The following CDH13 variants were observed in gnomAD, a reference collection of about 807,000 sequenced individuals.
The protein encoded by CDH13 is cadherin-13.
CDH13 carries 24 observed loss-of-function variants against 63.8 expected under a neutral mutation model. The ratio of observed to expected loss-of-function variants is 0.38; its 90% CI spans 0.27 to 0.53. CDH13 has a LOEUF of 0.53. Ranked by LOEUF, CDH13 falls within the 20% of genes least tolerant of loss-of-function variation. The pLI, the probability that CDH13 is intolerant of heterozygous loss-of-function variation, is 0.85. For missense variants in CDH13, 1,049 were observed against 903.1 expected, an observed-to-expected ratio of 1.16 and a Z score of -2.07; for synonymous variants, 503 against 355.3, an observed-to-expected ratio of 1.42 and a Z score of -4.67.
intron 6 of CDH13, among the ~76,000 whole-genome samples, chr16:83,402,036 A>G (rs555020264): frequency 2.0e-5 from 3 of 150,424 alleles, no homozygotes; most frequent in African/African-American, 7.3e-5. Flanking sequence ...AGATGTTGCT[A>G]TCTTTTTTCT....
At position 83,252,354 on chromosome 16, in the gene CDH13, T is replaced by A. The variant is rs1036851833; in HGVS notation, c.636+34857T>A. Among the ~76,000 whole-genome samples the A allele has an allele frequency of 3.6e-4, 55 of 151,898 alleles. 1 individual carries two copies. Among genetic ancestry groups the A allele is most frequent in the African/African-American group, 1.2e-3 (51 of 41,356 alleles). ...TGTGCATCTTTAGGCAAGAATTTAT[T>A]AGGATGTTATGGTTAATATAATCAT... On this transcript the variant is annotated intron_variant, in intron 5 of 13. Coordinates refer to ENST00000567109, the MANE Select transcript of CDH13 (RefSeq NM_001257.5).
intron 10 of CDH13, among the ~76,000 whole-genome samples, chr16:83,726,744 A>C (rs1196687626): frequency 6.6e-6 from 1 of 152,040 alleles, no homozygotes; most frequent in Non-Finnish European, 1.5e-5. Flanking sequence ...AGGCTGAGGC[A>C]GGGGAATGGC....
intron 4 of CDH13, among the ~76,000 whole-genome samples, chr16:83,216,443 T>TATATATATAC (rs1472700247): frequency 0.017 from 1,598 of 93,250 alleles, 97 homozygotes; most frequent in Non-Finnish European, 0.022. Flanking sequence ...TATATATATA[T>TATATATATAC]ACACAACCCT....
At chr16:83,422,169 A>G (rs1158545061) in intron 6 of CDH13, among the ~76,000 whole-genome samples, 3 of 152,196 alleles carry the variant, frequency 2.0e-5, no homozygotes, top group African/African-American at 7.2e-5. Context: ...CTTTAATTAG[A>G]TATTCTAGAA....
rs118134533 is a variant in CDH13, at chr16:83,649,369, A to G, written c.1102-21421A>G. ...CTCCCTACCTTCATTGCATTTTTCA[A>G]TATATTTAATACACTTTAATCACAC... On this transcript the variant is annotated intron_variant, in intron 8 of 13. Coordinates refer to ENST00000567109, the MANE Select transcript of CDH13 (RefSeq NM_001257.5). 3.1e-4 allele frequency among the ~76,000 whole-genome samples: 47 copies of G among 152,324 alleles called. 1 individual carries two copies. The East Asian group carries it at 8.7e-3, about 28-fold the overall frequency.
chr16:82,674,944 C>G (rs547585867), intron 1 of CDH13, among the ~76,000 whole-genome samples: 2 of 152,256 alleles, frequency 1.3e-5, no homozygotes, highest in Admixed American at 6.5e-5. Context: ...TATCAAAAAG[C>G]TATAATCTGT....
chr16:83,321,467 C>G (rs1397931475), intron 5 of CDH13, among the ~76,000 whole-genome samples: 1 of 150,914 alleles, frequency 6.6e-6, no homozygotes, highest in Non-Finnish European at 1.5e-5. Context: ...GCATTAAAGA[C>G]AACGACTAGG....
intron 3 of CDH13, among the ~76,000 whole-genome samples, chr16:83,077,612 T>C (rs1484914792): frequency 2.6e-5 from 4 of 152,188 alleles, no homozygotes; most frequent in East Asian, 1.9e-4. Context: ...TACTCTCCTA[T>C]TGATGGATGT....
chr16:83,451,265 G>T (rs1471097528), intron 6 of CDH13, among the ~76,000 whole-genome samples: 1 of 152,182 alleles, frequency 6.6e-6, no homozygotes, highest in Non-Finnish European at 1.5e-5. Flanking sequence ...CATGGCAGAA[G>T]GCGAAGGAGG....
At chr16:83,259,525 A>G (rs763552667) in intron 5 of CDH13, among the ~76,000 whole-genome samples, 1 of 152,204 alleles carries the variant, frequency 6.6e-6, no homozygotes, top group Non-Finnish European at 1.5e-5. Context: ...ACATTATGTT[A>G]CAAATGCATC....
chr16:82,795,631 T>A (rs906535168), intron 1 of CDH13, among the ~76,000 whole-genome samples: 1 of 152,192 alleles, frequency 6.6e-6, no homozygotes, highest in Non-Finnish European at 1.5e-5. Flanking sequence ...TCACCCAAGG[T>A]CCTACAGTTG....
intron 2 of CDH13, among the ~76,000 whole-genome samples, chr16:83,031,594 T>C (rs980324826): frequency 6.6e-6 from 1 of 151,992 alleles, no homozygotes. Flanking sequence ...TCTCATCTCC[T>C]ACTTATCTTC....
intron 7 of CDH13, among the ~76,000 whole-genome samples, chr16:83,513,807 G>T (rs1331916533): frequency 6.6e-6 from 1 of 152,138 alleles, no homozygotes; most frequent in African/African-American, 2.4e-5. Flanking sequence ...AACCTTAACA[G>T]TTGGGTTCAA....
intron 10 of CDH13, among the ~76,000 whole-genome samples, chr16:83,719,703 G>A (rs1909426814): frequency 6.6e-6 from 1 of 152,192 alleles, no homozygotes; most frequent in Non-Finnish European, 1.5e-5. Flanking sequence ...TGAGGAGGCT[G>A]TGGCATACCA....
chr16:83,138,675 C>T (rs1298137397), intron 4 of CDH13, among the ~76,000 whole-genome samples: 2 of 152,136 alleles, frequency 1.3e-5, no homozygotes, highest in African/African-American at 2.4e-5. Context: ...CTACGGATGA[C>T]TAAGTGTTAT....
At chr16:83,648,950 C>G (rs998537234) in intron 8 of CDH13, among the ~76,000 whole-genome samples, 3 of 152,214 alleles carry the variant, frequency 2.0e-5, no homozygotes, top group Non-Finnish European at 4.4e-5. Flanking sequence ...CCCCGCAACA[C>G]ACATACACCA....
At chr16:82,636,815 G>T (rs1908711068) in intron 1 of CDH13, among the ~76,000 whole-genome samples, 1 of 152,204 alleles carries the variant, frequency 6.6e-6, no homozygotes, top group Non-Finnish European at 1.5e-5. Flanking sequence ...TTTCTGTGAT[G>T]TAAATACTCC....
intron 1 of CDH13, among the ~76,000 whole-genome samples, chr16:82,746,100 CTCTA>C (rs1320934173): frequency 6.6e-6 from 1 of 151,766 alleles, no homozygotes; most frequent in Non-Finnish European, 1.5e-5. Context: ...ATTTCTCTCT[CTCTA>C]TATATACATA....
At chr16:83,437,786 T>C (rs1256172284) in intron 6 of CDH13, among the ~76,000 whole-genome samples, 1 of 152,172 alleles carries the variant, frequency 6.6e-6, no homozygotes, top group African/African-American at 2.4e-5. Context: ...ATCCACTTGA[T>C]ATAATATGCC....
Sources: gnomAD v4.1 joint callset for allele counts (sites outside exome capture counted in the v4.1 genomes callset) on GRCh38, gnomAD v4.1.1 for gene constraint, MANE v1.5 for transcripts, NCBI Gene and HGNC (gene_info 2026-07-23, HGNC 2026-07-21) for gene names.